Variants in GABRG3 observed in about 807,000 individuals in gnomAD.
GABRG3 encodes gamma-aminobutyric acid receptor subunit gamma-3.
GABRG3 carries 25 observed loss-of-function variants against 48.8 expected under a neutral mutation model. That is an observed-to-expected ratio of 0.51 (90% CI 0.37 to 0.72). The LOEUF is 0.72. Among genes scored for constraint, GABRG3 ranks in the 30% least tolerant of loss-of-function variants. The probability of loss-of-function intolerance (pLI) is 0.00; values close to 1 mark genes in which losing one functional copy is unlikely to be tolerated. For synonymous variants in GABRG3, 227 were observed against 217.6 expected (o/e 1.04, Z -0.38); for missense variants, 394 against 577.9 (o/e 0.68, Z 3.26).
chr15:27,279,100 A>G (rs1891349568), intron 3 of GABRG3, among the ~76,000 whole-genome samples: 1 of 152,078 alleles, frequency 6.6e-6, no homozygotes, highest in Admixed American at 6.5e-5. Flanking sequence ...AATGTCAGTT[A>G]GTTTCTTCTG....
intron 3 of GABRG3, among the ~76,000 whole-genome samples, chr15:27,155,090 G>T (rs527633593): frequency 1.8e-4 from 27 of 151,768 alleles, no homozygotes; most frequent in African/African-American, 6.0e-4. Context: ...TTTCTTGCTG[G>T]TTTTTCAGAT....
At position 27,306,457 on chromosome 15, in the gene GABRG3, A is replaced by C. The variant is rs999505092; in HGVS notation, c.271-20352A>C. On this transcript the variant is annotated intron_variant, in intron 3 of 9. Coordinates refer to ENST00000615808, the MANE Select transcript of GABRG3 (RefSeq NM_033223.5). The stretch of plus-strand genomic sequence containing the variant: ...TAATACGAACATATGTCTACATATA[A>C]ACATAAACATGTCTATATATAAACA... Among the ~76,000 whole-genome samples, 7 of 140,914 alleles carry C rather than the reference A, an allele frequency of 5.0e-5. 1 individual carries two copies. The highest frequency in any genetic ancestry group is 1.8e-4 in the African/African-American group (7 of 38,578). 92.4% of individuals were successfully genotyped at this position (140,914 alleles called of 152,430 possible). A position where few individuals can be genotyped will look rare whatever the true frequency, so the allele number is the denominator to read the frequency against.
rs139398266 is a variant in GABRG3 at position 27,398,662 on chromosome 15, G to A, written c.574+69774G>A. ...TGTTTGGGTAGGGGAGATGACAAGCGCGCGCACACACACACACACACACAC... is the reference window on the plus strand; with the variant it reads ...TGTTTGGGTAGGGGAGATGACAAGCACGCGCACACACACACACACACACAC... On this transcript the variant is annotated intron_variant, in intron 5 of 9. Transcript: ENST00000615808. Among the ~76,000 whole-genome samples the A allele has an allele frequency of 2.6e-3, 387 of 148,446 alleles. 1 individual carries two copies. Among genetic ancestry groups the A allele is most frequent in the African/African-American group, 8.9e-3 (350 of 39,434 alleles).
intron 5 of GABRG3, among the ~76,000 whole-genome samples, chr15:27,419,841 C>T (rs1308273088): frequency 1.3e-5 from 2 of 152,144 alleles, no homozygotes; most frequent in Non-Finnish European, 2.9e-5. Flanking sequence ...TCAAGTTGCT[C>T]TTCTGACAAA....
At position 27,372,675 on chromosome 15, in the gene GABRG3, G is replaced by A. The variant is rs1895453885; in HGVS notation, c.574+43787G>A. Among the ~76,000 whole-genome samples the A allele has an allele frequency of 2.6e-5, 4 of 152,146 alleles. No homozygotes were observed. The South Asian group carries it at 6.2e-4, about 24-fold the overall frequency. ...CCGAAGTACTAGGCCACCGTGCCTGGCTTTAGTCCCCTTCTTAAAACTTAA... is the reference window on the plus strand; with the variant it reads ...CCGAAGTACTAGGCCACCGTGCCTGACTTTAGTCCCCTTCTTAAAACTTAA... On this transcript the variant is annotated intron_variant, in intron 5 of 9. Coordinates refer to ENST00000615808, the MANE Select transcript of GABRG3 (RefSeq NM_033223.5).
Position 27,509,336 on chromosome 15 carries a change from T to C in GABRG3, c.713-10636T>C, listed in dbSNP as rs535170304. Among the ~76,000 whole-genome samples the C allele has an allele frequency of 4.3e-5, 5 of 115,994 alleles. No homozygotes were observed. The East Asian group carries it at 1.3e-3, about 30-fold the overall frequency. The allele number at this position is 115,994 out of a possible 152,430, so 76.1% of individuals were successfully genotyped here. A position where few individuals can be genotyped will look rare whatever the true frequency, so the allele number is the denominator to read the frequency against. ...GTAGTTGGGGGGTTTGTTATTTGTT[T>C]GTTTTCTTTTGATTCTGGCTGATAT... On this transcript the variant is annotated intron_variant, in intron 6 of 9. Coordinates refer to ENST00000615808, the MANE Select transcript of GABRG3 (RefSeq NM_033223.5).
intron 5 of GABRG3, chr15:27,365,895 A>G (rs1035539316): frequency 2.6e-5 from 4 of 152,232 alleles, no homozygotes; most frequent in African/African-American, 4.8e-5. Context: ...AAGCCAAAAA[A>G]TAAATAAGTT....
chr15:27,308,585 C>T (rs548236439), intron 3 of GABRG3, among the ~76,000 whole-genome samples: 3 of 145,868 alleles, frequency 2.1e-5, no homozygotes, highest in Non-Finnish European at 4.5e-5. Flanking sequence ...TGTAAACATA[C>T]ATTTATATAT....
chr15:27,383,124 C>T (rs1459235387), intron 5 of GABRG3, among the ~76,000 whole-genome samples: 6 of 152,066 alleles, frequency 3.9e-5, no homozygotes, highest in South Asian at 4.1e-4. Context: ...CCCGGGACTC[C>T]GTGAGCTGTG....
chr15:27,351,303 GTGTGTATGGTGTA>G (rs1894575192), intron 5 of GABRG3, among the ~76,000 whole-genome samples: 1 of 149,562 alleles, frequency 6.7e-6, no homozygotes, highest in South Asian at 2.1e-4. Flanking sequence ...TGGTGTGTTT[GTGTGTATGGTGTA>G]TGTGTATGGT....
intron 3 of GABRG3, among the ~76,000 whole-genome samples, chr15:27,129,042 A>C (rs921891716): frequency 7.2e-5 from 11 of 152,248 alleles, no homozygotes; most frequent in African/African-American, 2.7e-4. Flanking sequence ...AAAAATATAC[A>C]TAACATAGAA....
intron 3 of GABRG3, among the ~76,000 whole-genome samples, chr15:27,287,610 T>C (rs1891657418): frequency 6.6e-6 from 1 of 152,184 alleles, no homozygotes; most frequent in Non-Finnish European, 1.5e-5. Flanking sequence ...ATGTTTACTA[T>C]GAATGAAGGA....
rs114400075 is a variant in GABRG3 at position 27,205,026 on chromosome 15, T to C, written c.271-121783T>C. Among the ~76,000 whole-genome samples the C allele has an allele frequency of 3.1e-3, 473 of 152,040 alleles. 5 individuals carry two copies. Among genetic ancestry groups the C allele is most frequent in the African/African-American group, 0.011 (457 of 41,512 alleles). The stretch of plus-strand genomic sequence containing the variant: ...CTTTTTTTCTTCCTATTTGTGTGTC[T>C]TTTTTTTCTATGCCTTTTATTTCTT... On this transcript the variant is annotated intron_variant, in intron 3 of 9. Coordinates refer to ENST00000615808, the MANE Select transcript of GABRG3 (RefSeq NM_033223.5).
chr15:27,390,211 G>A (rs755848825), intron 5 of GABRG3, among the ~76,000 whole-genome samples: 34 of 152,046 alleles, frequency 2.2e-4, no homozygotes, highest in Admixed American at 5.9e-4. Context: ...TGCTTCTTTC[G>A]TATATTACGC....
chr15:27,474,061 G>T (rs1382537416), intron 5 of GABRG3, among the ~76,000 whole-genome samples: 2 of 142,164 alleles, frequency 1.4e-5, no homozygotes, highest in African/African-American at 5.3e-5. Flanking sequence ...CAGCCATCAC[G>T]GCCATGCTCT....
chr15:26,983,434 A>T (rs1433244892), intron 2 of GABRG3, among the ~76,000 whole-genome samples: 1 of 152,120 alleles, frequency 6.6e-6, no homozygotes, highest in East Asian at 1.9e-4. Flanking sequence ...GGGCACTCCC[A>T]CTTTGGTCTA....
intron 3 of GABRG3, among the ~76,000 whole-genome samples, chr15:27,098,243 G>A (rs1002057892): frequency 3.9e-5 from 6 of 152,118 alleles, no homozygotes; most frequent in African/African-American, 1.4e-4. Flanking sequence ...AGACCAGCCT[G>A]ACCAACATGG....
At chr15:27,243,515 G>A (rs528123366) in intron 3 of GABRG3, among the ~76,000 whole-genome samples, 2 of 152,064 alleles carry the variant, frequency 1.3e-5, no homozygotes, top group Non-Finnish European at 2.9e-5. Context: ...TGGTTAGGGG[G>A]CATATTTGGC....
In GABRG3 at chr15:27,429,842, G is replaced by A. The variant is rs1462182379; in HGVS notation, c.575-50808G>A. Among the ~76,000 whole-genome samples the A allele has an allele frequency of 4.6e-5, 7 of 152,276 alleles. No homozygotes were observed. The East Asian group carries it at 5.8e-4, about 13-fold the overall frequency. ...TCTGTGGCTGATGGACATTTGGATT[G>A]TTTTTACATTTTGGTCCTATAAATA... On this transcript the variant is annotated intron_variant, in intron 5 of 9. Coordinates refer to ENST00000615808, the MANE Select transcript of GABRG3 (RefSeq NM_033223.5).
Sources: gnomAD v4.1 joint callset for allele counts (sites outside exome capture counted in the v4.1 genomes callset) on GRCh38, gnomAD v4.1.1 for gene constraint, MANE v1.5 for transcripts, NCBI Gene and HGNC (gene_info 2026-07-23, HGNC 2026-07-21) for gene names.